Variants in RALGAPA1 observed in about 807,000 individuals in gnomAD.
RALGAPA1 encodes Ral GTPase activating protein catalytic subunit alpha 1, also known as ral GTPase-activating protein subunit alpha-1.
Under a neutral mutation model 269.6 loss-of-function variants are expected in RALGAPA1, and 52 were observed. The observed-to-expected ratio is 0.19, with a 90% CI of 0.15 to 0.24. RALGAPA1 has a LOEUF of 0.24. Ranked by LOEUF, RALGAPA1 falls within the 10% of genes least tolerant of loss-of-function variation. The pLI, the probability that RALGAPA1 is intolerant of heterozygous loss-of-function variation, is 1.00. For synonymous variants in RALGAPA1, 817 were observed against 1,008.3 expected (o/e 0.81, Z 3.60); for missense variants, 1,917 against 3,013.9 (o/e 0.64, Z 8.52).
intron 20 of RALGAPA1, among the ~76,000 whole-genome samples, chr14:35,684,397 T>C (rs929959825): frequency 6.6e-6 from 1 of 152,232 alleles, no homozygotes; most frequent in Admixed American, 6.5e-5. Context: ...TTCTGGGTAC[T>C]GTAGCATTGA....
intron 35 of RALGAPA1, among the ~76,000 whole-genome samples, chr14:35,610,745 G>A (rs967630595): frequency 1.3e-5 from 2 of 152,086 alleles, no homozygotes; most frequent in Non-Finnish European, 2.9e-5. Flanking sequence ...TAAGGAATCC[G>A]CTAAAAAGGC....
chr14:35,684,791 A>T (rs1443786052), intron 20 of RALGAPA1, 138 bp downstream of exon 20: 3 of 846,068 alleles, frequency 3.5e-6, no homozygotes, highest in Non-Finnish European at 5.3e-6. Flanking sequence ...CCAAATATCT[A>T]ATTTTTTTTT....
intron 35 of RALGAPA1, among the ~76,000 whole-genome samples, chr14:35,620,772 A>G (rs2060569293): frequency 6.6e-6 from 1 of 152,180 alleles, no homozygotes; most frequent in African/African-American, 2.4e-5. Flanking sequence ...AATTGCTACA[A>G]AGAGAATAAA....
At chr14:35,557,018 C>A (rs2055672998) in intron 39 of RALGAPA1, among the ~76,000 whole-genome samples, 1 of 151,794 alleles carries the variant, frequency 6.6e-6, no homozygotes, top group Admixed American at 6.6e-5. Context: ...TACCTAAAGG[C>A]TCTGAAAATC....
At chr14:35,628,884 T>TA (rs1216186058) in intron 33 of RALGAPA1, among the ~76,000 whole-genome samples, 2 of 150,690 alleles carry the variant, frequency 1.3e-5, no homozygotes, top group Non-Finnish European at 2.9e-5. Context: ...TACGAGTAAC[T>TA]AAAAAAATCA....
Position 35,803,635 on chromosome 14 carries a change from CT to C in RALGAPA1, c.106+5094del, listed in dbSNP as rs202191951. 6.4e-3 allele frequency among the ~76,000 whole-genome samples: 902 copies of C among 140,448 alleles called. 7 individuals are homozygous for C. The highest frequency in any genetic ancestry group is 0.016 in the African/African-American group (615 of 38,484). The allele number at this position is 140,448 out of a possible 152,430, so 92.1% of individuals were successfully genotyped here. On this transcript the variant is annotated intron_variant, in intron 1 of 41. Transcript: ENST00000680220. ...ATCTGTATCTAGAATATATAAAGAA[CT>C]TTTTTTTTTTTTTTTGAGACAGTCT...
At chr14:35,771,523 A>C (rs1248037030) in intron 3 of RALGAPA1, among the ~76,000 whole-genome samples, 1 of 152,238 alleles carries the variant, frequency 6.6e-6, no homozygotes, top group Non-Finnish European at 1.5e-5. Flanking sequence ...AAAAAACAAC[A>C]AGCAATACTA....
At chr14:35,676,876 C>T (rs746020521) in intron 22 of RALGAPA1, 6 of 152,272 alleles carry the variant, frequency 3.9e-5, no homozygotes, top group South Asian at 2.1e-4. Context: ...TATGTGCATT[C>T]ATTTTACTAG....
chr14:35,710,276 C>G (rs1361396851), intron 16 of RALGAPA1, among the ~76,000 whole-genome samples: 1 of 151,086 alleles, frequency 6.6e-6, no homozygotes, highest in Non-Finnish European at 1.5e-5. Flanking sequence ...CTTTTTTTTT[C>G]TTTGAAATGG....
chr14:35,682,457 C>T (rs1037079534), intron 21 of RALGAPA1, among the ~76,000 whole-genome samples: 1 of 152,016 alleles, frequency 6.6e-6, no homozygotes, highest in Non-Finnish European at 1.5e-5. Context: ...CCCGCCACCA[C>T]GCCTGGCTAA....
At chr14:35,667,099 A>G (rs1193801613) in intron 26 of RALGAPA1, among the ~76,000 whole-genome samples, 1 of 152,054 alleles carries the variant, frequency 6.6e-6, no homozygotes, top group East Asian at 1.9e-4. Context: ...TTCTCTAACT[A>G]CTTTAAAAAA....
chr14:35,793,717 T>A (rs1187299966), intron 1 of RALGAPA1, among the ~76,000 whole-genome samples: 1 of 152,220 alleles, frequency 6.6e-6, no homozygotes, highest in Non-Finnish European at 1.5e-5. Context: ...ACATTTCTCT[T>A]TCCACCTTAG....
At chr14:35,625,022 C>G (rs1566856198) in intron 35 of RALGAPA1, among the ~76,000 whole-genome samples, 1 of 151,828 alleles carries the variant, frequency 6.6e-6, no homozygotes, top group Non-Finnish European at 1.5e-5. Flanking sequence ...AACCCCATCT[C>G]TACTAAAAAA....
At chr14:35,549,020 T>C (rs982830755) in intron 40 of RALGAPA1, 90 bp downstream of exon 40, 36 of 1,394,198 alleles carry the variant, frequency 2.6e-5, no homozygotes, top group Admixed American at 1.4e-4. Context: ...TTTCAATGAT[T>C]AGAATTTTTT....
chr14:35,789,623 G>A (rs2076018879), intron 1 of RALGAPA1, among the ~76,000 whole-genome samples: 1 of 151,946 alleles, frequency 6.6e-6, no homozygotes, highest in Non-Finnish European at 1.5e-5. Flanking sequence ...AAGATCTTCT[G>A]AGGTGGAACA....
intron 1 of RALGAPA1, among the ~76,000 whole-genome samples, chr14:35,798,201 T>G (rs978022797): frequency 3.3e-5 from 5 of 150,490 alleles, no homozygotes; most frequent in Non-Finnish European, 5.9e-5. Flanking sequence ...AAACCCGGTC[T>G]TGGACTGTCG....
Position 35,689,946 on chromosome 14 carries a change from C to T in RALGAPA1, c.2465G>A (p.Ser822Asn). ...AAAAACTTCATTTCCAGTTTCTTCA[C>T]TTTGTGAAAAATGTCTGACTCTAGT... Reference protein sequence around the residue: ...RSTRVRHFSQSEETGNEVFGA... With the variant: ...RSTRVRHFSQNEETGNEVFGA... The change falls in exon 18 of 42, where the codon AGT (serine) becomes AAT (asparagine). Residue 822 changes from serine to asparagine, a missense_variant. By Grantham distance (46) the Ser-to-Asn change is conservative. Coordinates refer to ENST00000680220, the MANE Select transcript of RALGAPA1 (RefSeq NM_001346249.2). The T allele has an allele frequency of 6.2e-7, 1 of 1,600,762 alleles. No homozygotes were observed. The highest frequency in any genetic ancestry group is 8.5e-7 in the Non-Finnish European group (1 of 1,175,788).
intron 17 of RALGAPA1, among the ~76,000 whole-genome samples, chr14:35,699,262 A>G (rs2140586784): frequency 1.3e-5 from 2 of 152,322 alleles, no homozygotes; most frequent in East Asian, 3.9e-4. Context: ...TTTTTTAAAC[A>G]AAACTGATCT....
chr14:35,704,451 C>T lies in RALGAPA1; in HGVS notation c.2267-4149G>A, dbSNP rs985827444. ...TATCATGCTTAATATCTTTTAAATG[C>T]AGGTAAGTTCCCTTTCTGTTTATTA... On this transcript the variant is annotated intron_variant, in intron 16 of 41. Coordinates refer to ENST00000680220, the MANE Select transcript of RALGAPA1 (RefSeq NM_001346249.2). Among the ~76,000 whole-genome samples the T allele has an allele frequency of 1.2e-4, 19 of 152,190 alleles. No homozygotes were observed. The East Asian group carries it at 3.5e-3, about 28-fold the overall frequency.
Sources: allele counts gnomAD v4.1 joint callset (sites outside exome capture counted in the v4.1 genomes callset), GRCh38; gene constraint gnomAD v4.1.1; transcripts MANE v1.5; gene names NCBI Gene and HGNC (gene_info 2026-07-23, HGNC 2026-07-21).